The following RPA1 variants were observed in gnomAD, a reference collection of about 807,000 sequenced individuals.
The protein encoded by RPA1 is replication protein A 70 kDa DNA-binding subunit.
In RPA1, 49 loss-of-function variants were observed where a neutral mutation model predicts 83.0. The observed-to-expected ratio is 0.59, with a 90% CI of 0.47 to 0.75. RPA1 has a LOEUF of 0.75. Ranked by LOEUF, RPA1 falls within the 30% of genes least tolerant of loss-of-function variation. The pLI is 0.00. For missense variants in RPA1, 693 were observed against 776.1 expected (o/e 0.89, Z 1.27); for synonymous variants, 279 against 281.8 (o/e 0.99, Z 0.10).
At position 1,898,264 on chromosome 17, in the gene RPA1, A is replaced by G. The variant is rs1386574688; in HGVS notation, c.*1089A>G. ...AAAGCATGAAAACACTAAAAACAAA[A>G]AGCCATTTTGCCTGAGGATGCTGAT... is the stretch of plus-strand genomic sequence containing the variant. On this transcript the variant is annotated 3_prime_UTR_variant, in exon 17 of 17. Transcript: ENST00000254719. 1 of 152,188 alleles carries G rather than the reference A, an allele frequency of 6.6e-6. No individual in the cohort carries two copies. The highest frequency in any genetic ancestry group is 2.4e-5 in the African/African-American group (1 of 41,460). The allele number at this position is 152,188 out of a possible 1,614,324, so 9.4% of individuals were successfully genotyped here.
At chr17:1,842,619 C>T (rs751326175) in intron 1 of RPA1, among the ~76,000 whole-genome samples, 184 bp from the exon 2 acceptor site, 4 of 152,236 alleles carry the variant, frequency 2.6e-5, no homozygotes, top group East Asian at 3.9e-4. Context: ...TTGTAAAACA[C>T]GTATCTCCCT....
intron 16 of RPA1, among the ~76,000 whole-genome samples, chr17:1,895,648 A>G (rs1914382598): frequency 1.0e-5 from 1 of 96,630 alleles, no homozygotes; most frequent in African/African-American, 3.1e-5. Context: ...AATTGCCCAT[A>G]ATACCATATA....
At chr17:1,837,669 T>G (rs1348748613) in intron 1 of RPA1, among the ~76,000 whole-genome samples, 4 of 152,198 alleles carry the variant, frequency 2.6e-5, no homozygotes, top group African/African-American at 9.6e-5. Flanking sequence ...ATTTCTCTGG[T>G]GGCTAGTGAC....
chr17:1,894,274 C>A (rs974132434), intron 15 of RPA1, among the ~76,000 whole-genome samples: 2 of 151,802 alleles, frequency 1.3e-5, no homozygotes, highest in African/African-American at 4.8e-5. Context: ...CGAAGCAATT[C>A]TTCTGCCTCA....
In RPA1 at chr17:1,836,691, G is replaced by C. The variant is rs894530737; in HGVS notation, c.34-6112G>C. 3.6e-4 allele frequency among the ~76,000 whole-genome samples: 55 copies of C among 151,130 alleles called. 2 individuals are homozygous for C. Among genetic ancestry groups the C allele is most frequent in the Admixed American group, 3.2e-3 (49 of 15,190 alleles). ...GTTTTTTTTTTTTCCCCAGAGGTAGGGTCTCTGTCACCCAGGCTGGAGTGC... is the reference window on the plus strand; with the variant it reads ...GTTTTTTTTTTTTCCCCAGAGGTAGCGTCTCTGTCACCCAGGCTGGAGTGC... On this transcript the variant is annotated intron_variant, in intron 1 of 16. Coordinates refer to ENST00000254719, the MANE Select transcript of RPA1 (RefSeq NM_002945.5).
intron 1 of RPA1, among the ~76,000 whole-genome samples, chr17:1,842,566 G>A (rs1912093025): frequency 6.6e-6 from 1 of 152,130 alleles, no homozygotes; most frequent in South Asian, 2.1e-4. Context: ...AGAATAACGA[G>A]TACATATGGG....
intron 8 of RPA1, among the ~76,000 whole-genome samples, chr17:1,878,683 A>G (rs929093304): frequency 3.9e-5 from 6 of 152,358 alleles, no homozygotes; most frequent in African/African-American, 1.4e-4. Flanking sequence ...TTATTGTCAG[A>G]ATAAATTAAA....
chr17:1,876,028 G>C (rs1913560884), intron 7 of RPA1, among the ~76,000 whole-genome samples: 1 of 151,730 alleles, frequency 6.6e-6, no homozygotes, highest in Non-Finnish European at 1.5e-5. Context: ...ATAGCCTGTG[G>C]GGTTTCATTC....
At chr17:1,850,388 T>C (rs140451648) in intron 4 of RPA1, among the ~76,000 whole-genome samples, 4 of 148,246 alleles carry the variant, frequency 2.7e-5, no homozygotes, top group African/African-American at 1.0e-4. Flanking sequence ...ATACAAAAAT[T>C]AGCCAGGCAT....
At chr17:1,885,572 C>T (rs1248037837) in intron 13 of RPA1, among the ~76,000 whole-genome samples, 1 of 152,042 alleles carries the variant, frequency 6.6e-6, no homozygotes, top group African/African-American at 2.4e-5. Context: ...CCCCAGGCTC[C>T]CAAGCTGGGA....
rs535645458 is a variant in RPA1 at position 1,858,116 on chromosome 17, T to C, written c.361+4927T>C. 3.5e-4 allele frequency: 557 copies of C among 1,613,674 alleles called. 1 individual carries two copies. The African/African-American group carries it at 6.7e-3, about 19-fold the overall frequency. On this transcript the variant is annotated intron_variant, in intron 5 of 16. Transcript: ENST00000254719. ...ACTCCAGACTGGTATAGCTGGGGAATCTTCAGGCCTTTTCCTAGGTTCCAC... is the reference window on the plus strand; with the variant it reads ...ACTCCAGACTGGTATAGCTGGGGAACCTTCAGGCCTTTTCCTAGGTTCCAC...
chr17:1,833,590 C>T (rs893567942), intron 1 of RPA1, among the ~76,000 whole-genome samples: 1 of 152,212 alleles, frequency 6.6e-6, no homozygotes, highest in Non-Finnish European at 1.5e-5. Flanking sequence ...CGCAGTGGCT[C>T]ACGCCTGTAA....
Position 1,853,077 on chromosome 17 carries a change from G to C in RPA1, c.273-24G>C, listed in dbSNP as rs1912558764. Reference sequence around the variant, plus strand: ...TGAACAGAATTTGTTTTTCTAACCTGTTTCTGTTTGTCTGCTTTTGCAGGA... The same window carrying C: ...TGAACAGAATTTGTTTTTCTAACCTCTTTCTGTTTGTCTGCTTTTGCAGGA... On this transcript the variant is annotated intron_variant, in intron 4 of 16. Coordinates refer to ENST00000254719, the MANE Select transcript of RPA1 (RefSeq NM_002945.5). 6.2e-6 allele frequency: 10 copies of C among 1,602,968 alleles called. No homozygotes were observed. In the East Asian group the frequency reaches 2.2e-4, roughly 36 times the overall value.
chr17:1,878,501 G>C (rs1913649141), intron 8 of RPA1, among the ~76,000 whole-genome samples: 1 of 152,090 alleles, frequency 6.6e-6, no homozygotes, highest in Non-Finnish European at 1.5e-5. Flanking sequence ...GTGAAAATCA[G>C]ATCACAAGCA....
Position 1,830,136 on chromosome 17 carries a change from T to C in RPA1, c.33+10T>C. 1 of 1,241,644 alleles carries C rather than the reference T, an allele frequency of 8.1e-7. No individual in the cohort carries two copies. The highest frequency in any genetic ancestry group is 3.2e-5 in the East Asian group (1 of 31,350). 76.9% of individuals were successfully genotyped at this position (1,241,644 alleles called of 1,614,324 possible). On this transcript the variant is annotated intron_variant, in intron 1 of 16. Transcript: ENST00000254719. The stretch of plus-strand genomic sequence containing the variant: ...CGAGGGGGCCATTGCGGTGAGGAGG[T>C]GCCGGGGGCTGGGCCGGCGGTCCGG...
At chr17:1,874,678 A>G (rs998859704) in intron 6 of RPA1, among the ~76,000 whole-genome samples, 3 of 152,240 alleles carry the variant, frequency 2.0e-5, no homozygotes, top group African/African-American at 7.2e-5. Context: ...TCTACAAAGT[A>G]CCTGTGTGTC....
rs568626610 is a variant in RPA1 at position 1,868,907 on chromosome 17, T to C, written c.362-3527T>C. On this transcript the variant is annotated intron_variant, in intron 5 of 16. Coordinates refer to ENST00000254719, the MANE Select transcript of RPA1 (RefSeq NM_002945.5). Reference sequence around the variant, plus strand: ...GTATATAAGTTCCATGCACCTATACTATGGCTAACAATATTTTACTTTGAC... The same window carrying C: ...GTATATAAGTTCCATGCACCTATACCATGGCTAACAATATTTTACTTTGAC... Among the ~76,000 whole-genome samples the C allele has an allele frequency of 2.0e-5, 3 of 152,370 alleles. No homozygotes were observed. In the South Asian group the frequency reaches 6.2e-4, roughly 32 times the overall value.
chr17:1,845,162 TTG>T (rs71150822), intron 4 of RPA1, among the ~76,000 whole-genome samples: 4,193 of 141,642 alleles, frequency 0.03, 191 homozygotes, highest in African/African-American at 0.095. Flanking sequence ...TAATGCTGCT[TTG>T]TGTGTGTGTG....
chr17:1,849,041 T>A (rs1243310521), intron 4 of RPA1, among the ~76,000 whole-genome samples: 1 of 152,186 alleles, frequency 6.6e-6, no homozygotes, highest in Non-Finnish European at 1.5e-5. Context: ...TTATAGATAA[T>A]CTGTCTAGGA....
Sources: allele counts gnomAD v4.1 joint callset (sites outside exome capture counted in the v4.1 genomes callset), GRCh38; gene constraint gnomAD v4.1.1; transcripts MANE v1.5; gene names NCBI Gene and HGNC (gene_info 2026-07-23, HGNC 2026-07-21).